Variants in SHANK2 observed in about 807,000 individuals in gnomAD.
SHANK2 encodes the protein SH3 and multiple ankyrin repeat domains 2.
Under a neutral mutation model 133.7 loss-of-function variants are expected in SHANK2, and 43 were observed. That is an observed-to-expected ratio of 0.32 (90% CI 0.25 to 0.41). The LOEUF (loss-of-function observed/expected upper bound fraction) is 0.41, where lower values mean the gene tolerates loss of function less well. Ranked by LOEUF, SHANK2 falls within the 10% of genes least tolerant of loss-of-function variation. The pLI is 1.00. For missense variants in SHANK2, 1,994 were observed against 2,235.8 expected (o/e 0.89, Z 2.18); for synonymous variants, 1,017 against 952.8 (o/e 1.07, Z -1.24).
intron 2 of SHANK2, among the ~76,000 whole-genome samples, chr11:71,192,687 T>C (rs932332278): frequency 6.6e-6 from 1 of 152,208 alleles, no homozygotes; most frequent in Admixed American, 6.5e-5. Flanking sequence ...TCCAATTTCA[T>C]ACTCTCTGTC....
intron 17 of SHANK2, among the ~76,000 whole-genome samples, chr11:70,638,876 A>T (rs1277882115): frequency 6.6e-6 from 1 of 152,144 alleles, no homozygotes; most frequent in African/African-American, 2.4e-5. Context: ...AGGTACCTGT[A>T]ATCCCAGCTA....
intron 11 of SHANK2, among the ~76,000 whole-genome samples, chr11:70,880,602 C>G (rs1454717091): frequency 1.3e-5 from 2 of 152,248 alleles, no homozygotes; most frequent in Non-Finnish European, 2.9e-5. Flanking sequence ...CCATGGAACA[C>G]AGAAGTCAAG....
chr11:70,599,933 A>AAAAGAAAGAAAGAAAG (rs2060466677), intron 17 of SHANK2, among the ~76,000 whole-genome samples: 21 of 122,426 alleles, frequency 1.7e-4, no homozygotes, highest in African/African-American at 8.2e-4. Context: ...GAAAGAAAGA[A>AAAAGAAAGAAAGAAAG]AGAAAGAAAG....
intron 9 of SHANK2, among the ~76,000 whole-genome samples, chr11:71,058,721 T>C (rs1950950912): frequency 6.6e-6 from 1 of 152,192 alleles, no homozygotes. Flanking sequence ...AGACAACAGG[T>C]GTGACCACCT....
At chr11:71,111,122 A>T (rs112699312) in intron 5 of SHANK2, among the ~76,000 whole-genome samples, 2 of 152,294 alleles carry the variant, frequency 1.3e-5, no homozygotes, top group African/African-American at 4.8e-5. Flanking sequence ...TTTATAAGTT[A>T]CCCAAGGTAT....
At position 70,598,238 on chromosome 11, in the gene SHANK2, A is replaced by G. The variant is rs543702310; in HGVS notation, c.2061+61590T>C. Among the ~76,000 whole-genome samples the G allele has an allele frequency of 2.6e-5, 4 of 152,148 alleles. No individual in the cohort carries two copies. In the East Asian group the frequency reaches 7.8e-4, roughly 30 times the overall value. ...TCATTTGTCGAATGACCTCAGGGCC[A>G]CACAAGTTGGGCTGGAGAGAAGGGT... On this transcript the variant is annotated intron_variant, in intron 17 of 25. Coordinates refer to ENST00000601538, the MANE Select transcript of SHANK2 (RefSeq NM_012309.5).
chr11:71,071,957 TA>T (rs1284582103), intron 9 of SHANK2, among the ~76,000 whole-genome samples: 18 of 152,156 alleles, frequency 1.2e-4, no homozygotes, highest in Non-Finnish European at 2.4e-4. Flanking sequence ...TCCTCCAGGA[TA>T]AAGAGCCACA....
At chr11:71,064,518 G>T (rs1439631735) in intron 9 of SHANK2, among the ~76,000 whole-genome samples, 1 of 152,166 alleles carries the variant, frequency 6.6e-6, no homozygotes, top group Non-Finnish European at 1.5e-5. Flanking sequence ...ATGCAAAGGG[G>T]GTTCTCAGCA....
intron 17 of SHANK2, among the ~76,000 whole-genome samples, chr11:70,519,764 C>T (rs924940134): frequency 6.6e-6 from 1 of 152,068 alleles, no homozygotes; most frequent in South Asian, 2.1e-4. Context: ...GAAACGGGGT[C>T]TTATTCTGTT....
Position 71,147,219 on chromosome 11 carries a change from C to T in SHANK2, c.108G>A (p.Thr36=), listed in dbSNP as rs207472003. Residue 36 remains threonine, a synonymous_variant, in exon 3 of 26, where the codon ACG becomes ACA. Transcript: ENST00000601538. ...CCGGCTTCTCCGCAGTGGCCCGGATCGTGTCATAGATGGTCTCTTCTTTGG... is the reference window on the plus strand; with the variant it reads ...CCGGCTTCTCCGCAGTGGCCCGGATTGTGTCATAGATGGTCTCTTCTTTGG... ...DSSKEETIYD[T]IRATAEKPGG... 1.9e-6 allele frequency: 3 copies of T among 1,550,766 alleles called. No individual in the cohort carries two copies. The highest frequency in any genetic ancestry group is 1.4e-5 in the African/African-American group (1 of 73,040).
At chr11:70,815,175 A>C (rs988581699) in intron 12 of SHANK2, among the ~76,000 whole-genome samples, 29 of 119,648 alleles carry the variant, frequency 2.4e-4, no homozygotes, top group African/African-American at 8.7e-4. Flanking sequence ...TGGGAGAAGA[A>C]ACACACACAC....
At chr11:70,827,867 C>A (rs1203397164) in intron 11 of SHANK2, among the ~76,000 whole-genome samples, 1 of 152,076 alleles carries the variant, frequency 6.6e-6, no homozygotes, top group Non-Finnish European at 1.5e-5. Context: ...GAGCCTTTCC[C>A]TGAAGGCGTA....
intron 17 of SHANK2, among the ~76,000 whole-genome samples, chr11:70,599,104 A>G (rs1554990181): frequency 1.3e-5 from 2 of 152,176 alleles, no homozygotes; most frequent in Admixed American, 6.5e-5. Context: ...TCGATAAAAG[A>G]TGAGAATTAA....
intron 3 of SHANK2, among the ~76,000 whole-genome samples, chr11:71,125,396 T>C (rs1952163019): frequency 6.6e-6 from 1 of 152,196 alleles, no homozygotes; most frequent in East Asian, 1.9e-4. Context: ...ACACAAATGG[T>C]AAGTGAAACA....
At chr11:70,953,604 A>G (rs543473963) in intron 10 of SHANK2, among the ~76,000 whole-genome samples, 1 of 152,238 alleles carries the variant, frequency 6.6e-6, no homozygotes, top group African/African-American at 2.4e-5. Context: ...GGAAGCCAGG[A>G]GACCCAGCAG....
intron 10 of SHANK2, among the ~76,000 whole-genome samples, chr11:70,916,809 C>A (rs966426771): frequency 6.6e-6 from 1 of 152,068 alleles, no homozygotes; most frequent in Non-Finnish European, 1.5e-5. Flanking sequence ...CACATGGAGT[C>A]CAAGAAGAAA....
chr11:70,917,982 C>G (rs1199557068), intron 10 of SHANK2, among the ~76,000 whole-genome samples: 1 of 151,144 alleles, frequency 6.6e-6, no homozygotes, highest in East Asian at 1.9e-4. Context: ...GGTAACAAAC[C>G]TGCCCGTTCT....
chr11:71,056,078 G>C (rs1950915370), intron 10 of SHANK2, among the ~76,000 whole-genome samples: 1 of 152,154 alleles, frequency 6.6e-6, no homozygotes, highest in East Asian at 1.9e-4. Flanking sequence ...TGGGACAGCG[G>C]ACCCCATGGG....
At chr11:70,924,485 C>A (rs559329998) in intron 10 of SHANK2, among the ~76,000 whole-genome samples, 1 of 152,192 alleles carries the variant, frequency 6.6e-6, no homozygotes, top group South Asian at 2.1e-4. Flanking sequence ...AAGACAAAGT[C>A]TTGCTCTGTC....
Sources: gnomAD v4.1 joint callset for allele counts (sites outside exome capture counted in the v4.1 genomes callset) on GRCh38, gnomAD v4.1.1 for gene constraint, MANE v1.5 for transcripts, NCBI Gene and HGNC (gene_info 2026-07-23, HGNC 2026-07-21) for gene names.